OSBPL6: variants seen among roughly 807,000 people sequenced by gnomAD.
OSBPL6 encodes the protein oxysterol binding protein like 6, also known as oxysterol-binding protein-related protein 6.
A neutral mutation model predicts 125.8 loss-of-function variants in OSBPL6; 49 were observed. The observed-to-expected ratio is 0.39, with a 90% confidence interval of 0.31 to 0.49. The LOEUF (loss-of-function observed/expected upper bound fraction) is 0.49. Ranked by LOEUF, OSBPL6 falls within the 20% of genes least tolerant of loss-of-function variation. The pLI is 0.88. For missense variants in OSBPL6, 986 were observed against 1,135.4 expected, an observed-to-expected ratio of 0.87 and a Z score of 1.89; for synonymous variants, 394 against 391.8, an observed-to-expected ratio of 1.01 and a Z score of -0.07.
chr2:178,243,814 A>C (rs377371538), intron 1 of OSBPL6, among the ~76,000 whole-genome samples: 3 of 151,924 alleles, frequency 2.0e-5, no homozygotes, highest in Admixed American at 6.6e-5. Context: ...CACCACACCC[A>C]GCTGATTTTT....
Position 178,324,191 on chromosome 2 carries a change from G to T in OSBPL6, c.117G>T (p.Leu39=). 6.4e-7 allele frequency: 1 copy of T among 1,553,326 alleles called. No homozygotes were observed. Among genetic ancestry groups the T allele is most frequent in the Non-Finnish European group, 8.8e-7 (1 of 1,136,970 alleles). ...TTTATTTTCAGAGTATTCACATACT[G>T]GAGAGGACTGCTTCCTCTAGCACCG... The part of the protein sequence containing the change: ...QRDSRQSIHI[L]ERTASSSTEP... The change falls in exon 4 of 25, where the codon CTG becomes CTT. Residue 39 remains leucine, a synonymous_variant. Coordinates refer to ENST00000190611, the MANE Select transcript of OSBPL6 (RefSeq NM_032523.4).
chr2:178,242,646 A>T (rs2091336108), intron 1 of OSBPL6, among the ~76,000 whole-genome samples: 1 of 152,238 alleles, frequency 6.6e-6, no homozygotes, highest in African/African-American at 2.4e-5. Flanking sequence ...CTGGAATTAG[A>T]TTTGAATTAA....
intron 1 of OSBPL6, among the ~76,000 whole-genome samples, chr2:178,219,667 C>T (rs934428086): frequency 1.3e-5 from 2 of 152,150 alleles, no homozygotes; most frequent in African/African-American, 4.8e-5. Flanking sequence ...CCCATCGGAC[C>T]CCTTTCCAGC....
At chr2:178,236,607 T>C (rs2091061673) in intron 1 of OSBPL6, among the ~76,000 whole-genome samples, 1 of 152,270 alleles carries the variant, frequency 6.6e-6, no homozygotes, top group Non-Finnish European at 1.5e-5. Context: ...GACAGTGTGA[T>C]TGGCTTTTGT....
chr2:178,245,627 A>T (rs1221699148), intron 1 of OSBPL6, among the ~76,000 whole-genome samples: 1 of 152,242 alleles, frequency 6.6e-6, no homozygotes, highest in East Asian at 1.9e-4. Context: ...TGGGATAACT[A>T]GATACCAATC....
At chr2:178,294,760 C>A (rs1574782814) in intron 2 of OSBPL6, among the ~76,000 whole-genome samples, 1 of 142,214 alleles carries the variant, frequency 7.0e-6, no homozygotes, top group South Asian at 2.2e-4. Flanking sequence ...TAAAAATCAA[C>A]AAATCAAAAT....
chr2:178,276,068 G>A (rs1249065066), intron 1 of OSBPL6, among the ~76,000 whole-genome samples: 13 of 152,104 alleles, frequency 8.5e-5, no homozygotes, highest in Admixed American at 8.5e-4. Flanking sequence ...AGATTAGTAA[G>A]CTTTGATGAT....
intron 3 of OSBPL6, among the ~76,000 whole-genome samples, chr2:178,309,837 C>T (rs892738960): frequency 2.0e-5 from 3 of 152,254 alleles, no homozygotes; most frequent in East Asian, 3.9e-4. Flanking sequence ...GTTGATGAAA[C>T]ACCTAGGACT....
chr2:178,241,182 T>A (rs149940846), intron 1 of OSBPL6, among the ~76,000 whole-genome samples: 8 of 151,290 alleles, frequency 5.3e-5, no homozygotes, highest in Non-Finnish European at 5.9e-5. Context: ...CACAGATATT[T>A]TTTTTTTTTT....
intron 12 of OSBPL6, among the ~76,000 whole-genome samples, chr2:178,356,318 T>C (rs962782476): frequency 4.6e-5 from 7 of 152,184 alleles, no homozygotes; most frequent in African/African-American, 9.7e-5. Flanking sequence ...GCAGATGACA[T>C]GATTGTATAT....
intron 1 of OSBPL6, among the ~76,000 whole-genome samples, chr2:178,270,133 G>C (rs922013891): frequency 5.9e-5 from 9 of 152,156 alleles, no homozygotes; most frequent in Non-Finnish European, 1.0e-4. Context: ...AGCAGGGTTG[G>C]GGGTAGGCTC....
At chr2:178,327,904 T>C (rs980783585) in intron 4 of OSBPL6, among the ~76,000 whole-genome samples, 3 of 152,178 alleles carry the variant, frequency 2.0e-5, no homozygotes, top group Non-Finnish European at 4.4e-5. Context: ...AGTAGTCTTA[T>C]TTTGAAACTT....
chr2:178,265,774 C>T (rs1437672670), intron 1 of OSBPL6, among the ~76,000 whole-genome samples: 1 of 152,140 alleles, frequency 6.6e-6, no homozygotes, highest in Admixed American at 6.5e-5. Context: ...CTCTCGCTCC[C>T]CTTTCCTCCT....
intron 1 of OSBPL6, among the ~76,000 whole-genome samples, chr2:178,259,366 A>T (rs1197190206): frequency 6.6e-6 from 1 of 152,110 alleles, no homozygotes; most frequent in Non-Finnish European, 1.5e-5. Context: ...CCAGAAAGCC[A>T]TTTACCTGTC....
intron 3 of OSBPL6, among the ~76,000 whole-genome samples, chr2:178,315,834 A>AC (rs1297810432): frequency 3.9e-5 from 6 of 152,158 alleles, no homozygotes; most frequent in Admixed American, 6.5e-5. Context: ...TACAGAAGCC[A>AC]CCCCAGGAGA....
At chr2:178,268,249 T>C (rs903402732) in intron 1 of OSBPL6, among the ~76,000 whole-genome samples, 9 of 152,006 alleles carry the variant, frequency 5.9e-5, no homozygotes, top group African/African-American at 2.2e-4. Context: ...GCCCAGCTAA[T>C]TTTTGTATTT....
At chr2:178,262,390 A>G (rs2092092773) in intron 1 of OSBPL6, among the ~76,000 whole-genome samples, 1 of 152,168 alleles carries the variant, frequency 6.6e-6, no homozygotes, top group African/African-American at 2.4e-5. Flanking sequence ...GCAAAAGAAA[A>G]TTGTTTTTGA....
At chr2:178,296,445 T>C (rs1685762658) in intron 2 of OSBPL6, among the ~76,000 whole-genome samples, 1 of 152,156 alleles carries the variant, frequency 6.6e-6, no homozygotes, top group Non-Finnish European at 1.5e-5. Flanking sequence ...ATCCATGGGA[T>C]ATTTTAGAGT....
intron 1 of OSBPL6, among the ~76,000 whole-genome samples, chr2:178,247,203 CTATT>C (rs1191946807): frequency 6.6e-6 from 1 of 152,064 alleles, no homozygotes; most frequent in African/African-American, 2.4e-5. Context: ...ATGATTTTGT[CTATT>C]TGTTTTGTTT....
Sources: allele counts gnomAD v4.1 joint callset (sites outside exome capture counted in the v4.1 genomes callset), GRCh38; gene constraint gnomAD v4.1.1; transcripts MANE v1.5; gene names NCBI Gene and HGNC (gene_info 2026-07-23, HGNC 2026-07-21).